The following USP36 variants were observed in gnomAD, a reference collection of about 807,000 sequenced individuals.
USP36 encodes the protein ubiquitin specific peptidase 36.
Under a neutral mutation model 111.5 loss-of-function variants are expected in USP36, and 59 were observed. That is an observed-to-expected ratio of 0.53 (90% CI 0.43 to 0.66). The LOEUF (loss-of-function observed/expected upper bound fraction) is 0.66, where lower values mean the gene tolerates loss of function less well. Ranked by LOEUF, USP36 falls within the 30% of genes least tolerant of loss-of-function variation. USP36 has a pLI of 0.00. For missense variants in USP36, 1,488 were observed against 1,468.0 expected, an observed-to-expected ratio of 1.01 and a Z score of -0.22; for synonymous variants, 628 against 581.0, an observed-to-expected ratio of 1.08 and a Z score of -1.16.
intron 9 of USP36, chr17:78,819,174 A>G (rs1267912243): frequency 1.1e-5 from 2 of 183,902 alleles, no homozygotes; most frequent in Non-Finnish European, 2.3e-5. Context: ...CAGGGAGAGA[A>G]AACAGAAGCA....
intron 4 of USP36, among the ~76,000 whole-genome samples, chr17:78,829,922 G>T (rs770434560): frequency 6.6e-6 from 1 of 152,134 alleles, no homozygotes; most frequent in Non-Finnish European, 1.5e-5. Context: ...TTGTATTTTA[G>T]TAGAGACAGA....
intron 6 of USP36, among the ~76,000 whole-genome samples, chr17:78,825,618 A>G (rs980378520): frequency 6.6e-6 from 1 of 152,032 alleles, no homozygotes; most frequent in African/African-American, 2.4e-5. Flanking sequence ...CCCATCTCAC[A>G]GCCCCAAATC....
chr17:78,794,749 T>C (rs1015268193), downstream of USP36, among the ~76,000 whole-genome samples: 14 of 152,050 alleles, frequency 9.2e-5, no homozygotes, highest in Non-Finnish European at 2.1e-4. Flanking sequence ...GGCTCACGCC[T>C]GGAATCCCAG....
intron 6 of USP36, among the ~76,000 whole-genome samples, chr17:78,822,385 A>T (rs1001919290): frequency 2.0e-5 from 3 of 152,178 alleles, no homozygotes; most frequent in African/African-American, 7.2e-5. Flanking sequence ...GAGGCCAAAC[A>T]TCCCCCTGAG....
chr17:78,802,519 C>T lies in USP36; in HGVS notation c.2827G>A (p.Asp943Asn). ...TCTTCCATGGCCTCTGGATCACCAT[C>T]ACCCATGGGAGAGCAGCTGCTTGGA... Reference protein sequence around the residue: ...PLRHSCSPMGDGDPEAMEESP... With the variant: ...PLRHSCSPMGNGDPEAMEESP... The change falls in exon 17 of 21, where the codon GAT (aspartate) becomes AAT (asparagine). Residue 943 changes from aspartate (D) to asparagine (N), a missense_variant. Transcript: ENST00000449938. The T allele has an allele frequency of 6.2e-7, 1 of 1,606,208 alleles. No homozygotes were observed. Among genetic ancestry groups the T allele is most frequent in the African/African-American group, 1.3e-5 (1 of 74,950 alleles).
chr17:78,835,900 C>T, intron 3 of USP36: 2 of 716,142 alleles, frequency 2.8e-6, no homozygotes, highest in South Asian at 3.9e-5. Flanking sequence ...CAAGGACCCA[C>T]CAAGTACACA....
intron 3 of USP36, among the ~76,000 whole-genome samples, chr17:78,788,633 C>T (rs983056798): frequency 6.6e-6 from 1 of 151,848 alleles, no homozygotes; most frequent in African/African-American, 2.4e-5. Context: ...GAACAACAGA[C>T]AGCCCACCCG....
chr17:78,836,083 T>A (rs771212962), intron 3 of USP36, 28 bp downstream of exon 3: 1 of 1,604,524 alleles, frequency 6.2e-7, no homozygotes, highest in Admixed American at 1.7e-5. Context: ...AGTGAGGGCC[T>A]CTCTGCCAGC....
chr17:78,813,628 C>T (rs139293512), intron 12 of USP36, 145 bp downstream of exon 12: 9 of 690,240 alleles, frequency 1.3e-5, no homozygotes, highest in Non-Finnish European at 2.0e-5. Context: ...AGTGTCCTTC[C>T]CTGTGGACGG....
Position 78,806,237 on chromosome 17 carries a change from G to C in USP36, c.2135C>G (p.Pro712Arg), listed in dbSNP as rs199750041. Residue 712 changes from proline to arginine, a missense_variant, in exon 15 of 21, where the codon CCC becomes CGC. Physicochemically the swap from Pro to Arg is moderately radical, Grantham distance 103. Transcript: ENST00000449938. Reference sequence around the variant, plus strand: ...GTGGGTGAGGTCGGAGGATGGTGAGGGGGGAGGTGGACGGAGGTCATTGCC... The same window carrying C: ...GTGGGTGAGGTCGGAGGATGGTGAGCGGGGAGGTGGACGGAGGTCATTGCC... Reference protein sequence around the residue: ...ATGNDLRPPPPSPSSDLTHPM... With the variant: ...ATGNDLRPPPRSPSSDLTHPM... 24 of 1,613,890 alleles carry C rather than the reference G, an allele frequency of 1.5e-5. No individual in the cohort carries two copies. In the East Asian group the frequency reaches 2.2e-4, roughly 15 times the overall value.
At chr17:78,836,858 T>C (rs2145670346) in intron 2 of USP36, among the ~76,000 whole-genome samples, 1 of 151,858 alleles carries the variant, frequency 6.6e-6, no homozygotes, top group South Asian at 2.1e-4. Context: ...ATAAATGAAT[T>C]AGCATGCAGG....
chr17:78,804,859 T>G (rs1341322930), intron 15 of USP36, among the ~76,000 whole-genome samples: 3 of 152,028 alleles, frequency 2.0e-5, no homozygotes, highest in Non-Finnish European at 2.9e-5. Context: ...AAAAAAAAGA[T>G]CCCGTGAGGA....
At chr17:78,818,367 A>G (rs2094237117) in intron 10 of USP36, among the ~76,000 whole-genome samples, 2 of 152,152 alleles carry the variant, frequency 1.3e-5, no homozygotes, top group Admixed American at 1.3e-4. Flanking sequence ...GGATTTTGCA[A>G]AAATGCAGAT....
intron 6 of USP36, among the ~76,000 whole-genome samples, chr17:78,822,359 A>C (rs1213349337): frequency 6.6e-6 from 1 of 152,124 alleles, no homozygotes; most frequent in Non-Finnish European, 1.5e-5. Context: ...AAGTACCCAA[A>C]TCTAGAGTGA....
At position 78,798,402 on chromosome 17, in the gene USP36, C is replaced by T. The variant is rs753209387; in HGVS notation, c.*18G>A. ...ACACCCACCCCCTCGGAACCGACCTCCTTCCACAGGGGCACAGTCAGCGGC... is the reference window on the plus strand; with the variant it reads ...ACACCCACCCCCTCGGAACCGACCTTCTTCCACAGGGGCACAGTCAGCGGC... On this transcript the variant is annotated splice_region_variant and 3_prime_UTR_variant, in exon 20 of 21. Transcript: ENST00000449938. The surrounding 1 kb of genome is among the most constrained non-coding windows in gnomAD (Gnocchi z 5.1). The T allele has an allele frequency of 6.2e-7, 1 of 1,614,064 alleles. No individual in the cohort carries two copies. Among genetic ancestry groups the T allele is most frequent in the South Asian group, 1.1e-5 (1 of 91,084 alleles).
rs762716031 is a variant in USP36, at chr17:78,803,819, C to T, written c.2376G>A (p.Val792=). Reference sequence around the variant, plus strand: ...CCTCTGGCAACTGGTGTGGAAGAGACACAAGGTCCTCGTTGACCTGAGGCA... The same window carrying T: ...CCTCTGGCAACTGGTGTGGAAGAGATACAAGGTCCTCGTTGACCTGAGGCA... ...TALPQVNEDL[V]SLPHQLPEAS... is the part of the protein sequence containing the mutation. Residue 792 remains valine, a synonymous_variant, in exon 16 of 21, where the codon GTG becomes GTA. Transcript: ENST00000449938. The surrounding 1 kb of genome is among the most constrained non-coding windows in gnomAD (Gnocchi z 4.6). 6.2e-7 allele frequency: 1 copy of T among 1,612,782 alleles called. No individual in the cohort carries two copies. The highest frequency in any genetic ancestry group is 1.7e-5 in the Admixed American group (1 of 59,994).
At position 78,824,414 on chromosome 17, in the gene USP36, C is replaced by A. The variant is rs114894053; in HGVS notation, c.690-2410G>T. ...CAAAAGGGCGTATGAAACCAGCAGG[C>A]AGCATGGAGCGTGCCTGCAGTTCCA... On this transcript the variant is annotated intron_variant, in intron 6 of 20. Coordinates refer to ENST00000449938, the MANE Select transcript of USP36 (RefSeq NM_001385174.1). 2.6e-3 allele frequency among the ~76,000 whole-genome samples: 396 copies of A among 152,274 alleles called. 3 individuals carry two copies. The highest frequency in any genetic ancestry group is 9.1e-3 in the African/African-American group (377 of 41,550).
chr17:78,840,774 C>T lies in USP36; in HGVS notation c.-212G>A, dbSNP rs1378299433. ...CGGGCGCGCCACAAGCCTACGCAGC[C>T]CTGGCGACTCCTTCGGCCCGCGGCC... is the stretch of plus-strand genomic sequence containing the variant. On this transcript the variant is annotated 5_prime_UTR_variant, in exon 1 of 21. Coordinates refer to ENST00000449938, the MANE Select transcript of USP36 (RefSeq NM_001385174.1). 1 of 152,448 alleles carries T rather than the reference C, an allele frequency of 6.6e-6. No homozygotes were observed. Among genetic ancestry groups the T allele is most frequent in the Non-Finnish European group, 1.5e-5 (1 of 68,320 alleles). The allele number at this position is 152,448 out of a possible 1,614,324, so 9.4% of individuals were successfully genotyped here. A position where few individuals can be genotyped will look rare whatever the true frequency, so the allele number is the denominator to read the frequency against.
chr17:78,807,357 T>C lies in USP36; in HGVS notation c.1687A>G (p.Arg563Gly). ...LPGTSNSNSS[R>G]SGSQRQGSWD... is the part of the protein sequence containing the mutation. ...GAGCCCTGCCTTTGGCTCCCAGATCTGCTGCTATTCGAGTTGCTGGTCCCA... is the reference window on the plus strand; with the variant it reads ...GAGCCCTGCCTTTGGCTCCCAGATCCGCTGCTATTCGAGTTGCTGGTCCCA... The change falls in exon 14 of 21, where the codon AGA (arginine) becomes GGA (glycine). Residue 563 changes from arginine (R) to glycine (G), a missense_variant. Around this residue, in one of 3 missense-constraint regions of USP36, gnomAD observed 1,073 missense variants for 994.1 expected, o/e 1.08. Coordinates refer to ENST00000449938, the MANE Select transcript of USP36 (RefSeq NM_001385174.1). The C allele has an allele frequency of 6.2e-7, 1 of 1,614,210 alleles. No homozygotes were observed. Among genetic ancestry groups the C allele is most frequent in the Non-Finnish European group, 8.5e-7 (1 of 1,180,034 alleles).
Sources: gnomAD v4.1 joint callset for allele counts (sites outside exome capture counted in the v4.1 genomes callset) on GRCh38, gnomAD v4.1.1 for gene constraint, gnomAD v4.1.1 regional missense constraint, Gnocchi (gnomAD v3.1) non-coding constraint, MANE v1.5 for transcripts, NCBI Gene and HGNC (gene_info 2026-07-23, HGNC 2026-07-21) for gene names.